CWH43: variants seen among roughly 807,000 people sequenced by gnomAD.
CWH43 encodes the protein cell wall biogenesis 43 C-terminal homolog.
A neutral mutation model predicts 85.7 loss-of-function variants in CWH43; 91 were observed. The ratio of observed to expected loss-of-function variants is 1.06; its 90% CI spans 0.90 to 1.26. CWH43 has a LOEUF of 1.26. Among genes scored for constraint, CWH43 ranks in the 50% most tolerant of loss-of-function variants. The pLI is 0.00. For missense variants in CWH43, 869 were observed against 839.2 expected, an observed-to-expected ratio of 1.04 and a Z score of -0.44; for synonymous variants, 323 against 293.6, an observed-to-expected ratio of 1.10 and a Z score of -1.02.
intron 12 of CWH43, among the ~76,000 whole-genome samples, chr4:49,035,385 C>T (rs1784235386): frequency 6.6e-6 from 1 of 152,122 alleles, no homozygotes; most frequent in Non-Finnish European, 1.5e-5. Flanking sequence ...CAGGCAAACA[C>T]CATAATGAAA....
At chr4:49,060,582 A>G (rs1416696348) in intron 15 of CWH43, among the ~76,000 whole-genome samples, 1 of 152,156 alleles carries the variant, frequency 6.6e-6, no homozygotes, top group African/African-American at 2.4e-5. Context: ...TGCAGAGAGT[A>G]TCTATCTCTC....
At chr4:49,011,173 A>G (rs1163618514) in intron 8 of CWH43, among the ~76,000 whole-genome samples, 2 of 152,284 alleles carry the variant, frequency 1.3e-5, no homozygotes, top group East Asian at 3.9e-4. Flanking sequence ...TATTAGGTGC[A>G]TATATATTTA....
chr4:49,034,613 T>TG (rs1784207149), intron 12 of CWH43, among the ~76,000 whole-genome samples: 1 of 152,158 alleles, frequency 6.6e-6, no homozygotes, highest in South Asian at 2.1e-4. Context: ...ACAATAATAG[T>TG]GAACACTTAT....
At position 48,991,509 on chromosome 4, in the gene CWH43, G is replaced by T; in HGVS notation, c.291G>T (p.Ala97=). ...PNAKLRLMVL[A]LGVSSSLIVQ... is the part of the protein sequence containing the mutation. ...CCAAACTTCGACTGATGGTTCTTGCGCTTGGGGTGTCTTCCTCACTGATAG... is the reference window on the plus strand; with the variant it reads ...CCAAACTTCGACTGATGGTTCTTGCTCTTGGGGTGTCTTCCTCACTGATAG... The change falls in exon 3 of 16, where the codon GCG becomes GCT. Residue 97 remains alanine (A), a synonymous_variant. Transcript: ENST00000226432. The T allele has an allele frequency of 6.2e-7, 1 of 1,614,022 alleles. No homozygotes were observed. Among genetic ancestry groups the T allele is most frequent in the Non-Finnish European group, 8.5e-7 (1 of 1,179,960 alleles).
At chr4:49,008,275 G>A (rs540898217) in intron 8 of CWH43, among the ~76,000 whole-genome samples, 1 of 152,032 alleles carries the variant, frequency 6.6e-6, no homozygotes, top group South Asian at 2.1e-4. Context: ...GTCTTCTTTG[G>A]AGAAGTGTCT....
chr4:49,057,018 G>C (rs558996215), intron 15 of CWH43, among the ~76,000 whole-genome samples: 1 of 152,288 alleles, frequency 6.6e-6, no homozygotes, highest in Admixed American at 6.5e-5. Context: ...TACTCAAAAT[G>C]ATTTCAGTAT....
intron 14 of CWH43, among the ~76,000 whole-genome samples, chr4:49,047,825 A>G (rs988781501): frequency 7.2e-5 from 11 of 152,152 alleles, no homozygotes; most frequent in African/African-American, 2.7e-4. Context: ...TCGTTCTTGG[A>G]CAACTCCATG....
intron 6 of CWH43, among the ~76,000 whole-genome samples, chr4:49,003,404 AT>A (rs1783055265): frequency 6.6e-6 from 1 of 152,136 alleles, no homozygotes; most frequent in African/African-American, 2.4e-5. Context: ...TTTTGGACAT[AT>A]TTTTGGTATT....
At position 49,030,797 on chromosome 4, in the gene CWH43, T is replaced by C. The variant is rs181988149; in HGVS notation, c.1373-28T>C. 3,364 of 1,542,644 alleles carry C rather than the reference T, an allele frequency of 2.2e-3. 15 individuals are homozygous for C. The highest frequency in any genetic ancestry group is 0.017 in the Middle Eastern group (95 of 5,710). On this transcript the variant is annotated intron_variant, in intron 10 of 15. Transcript: ENST00000226432. ...TTTTTGCCTTGCTGTGATTCATCAC[T>C]GTATGCTACTTTTTTTTTTCTGAAC...
chr4:49,059,848 T>C (rs1204078057), intron 15 of CWH43, among the ~76,000 whole-genome samples: 3 of 151,832 alleles, frequency 2.0e-5, no homozygotes, highest in Non-Finnish European at 2.9e-5. Context: ...CTGGGGTAGA[T>C]GTGTGGGGTT....
chr4:49,025,732 C>T (rs1783894809), intron 9 of CWH43, among the ~76,000 whole-genome samples: 2 of 152,160 alleles, frequency 1.3e-5, no homozygotes, highest in South Asian at 2.1e-4. Context: ...CCATGGATAC[C>T]AGCACTTGCT....
intron 5 of CWH43, among the ~76,000 whole-genome samples, chr4:48,995,644 T>C (rs1438871424): frequency 6.6e-6 from 1 of 152,186 alleles, no homozygotes; most frequent in Non-Finnish European, 1.5e-5. Flanking sequence ...CCTCCACGCA[T>C]GTTCTTCTTC....
In CWH43 at chr4:48,988,527, T is replaced by G. The variant is rs781090312; in HGVS notation, c.94T>G (p.Phe32Val). The G allele has an allele frequency of 1.2e-6, 2 of 1,613,188 alleles. No individual in the cohort carries two copies. The highest frequency in any genetic ancestry group is 1.1e-5 in the South Asian group (1 of 90,810). Residue 32 changes from phenylalanine (F) to valine (V), a missense_variant, in exon 2 of 16, where the codon TTT (phenylalanine) becomes GTT (valine). By Grantham distance (50) the Phe-to-Val change is conservative. Transcript: ENST00000226432. ...TGACCTGGGACCGATGATCTATTAC[T>G]TTCCTTTGCAAACACTAGAACTCAC... ...YHDLGPMIYYFPLQTLELTGL... is the reference protein window; with the variant it reads ...YHDLGPMIYYVPLQTLELTGL...
intron 15 of CWH43, among the ~76,000 whole-genome samples, chr4:49,054,247 T>C (rs1784886635): frequency 1.3e-5 from 2 of 152,156 alleles, no homozygotes; most frequent in South Asian, 2.1e-4. Context: ...CCCCCAACAT[T>C]GCTTATTGAA....
At chr4:49,035,011 T>A (rs1240251492) in intron 12 of CWH43, among the ~76,000 whole-genome samples, 1 of 152,224 alleles carries the variant, frequency 6.6e-6, no homozygotes, top group African/African-American at 2.4e-5. Context: ...GACTCATTCC[T>A]TGCTTTAGGA....
At chr4:48,998,656 C>A in intron 6 of CWH43, 108 bp downstream of exon 6, 1 of 819,404 alleles carries the variant, frequency 1.2e-6, no homozygotes, top group Admixed American at 1.8e-5. Flanking sequence ...CAAATATGTA[C>A]TGTGGCCAAA....
intron 15 of CWH43, among the ~76,000 whole-genome samples, chr4:49,056,257 T>C (rs1784960806): frequency 6.6e-6 from 1 of 152,160 alleles, no homozygotes; most frequent in Admixed American, 6.5e-5. Flanking sequence ...ATCATTTTTC[T>C]TTAGATGTTT....
At position 48,997,082 on chromosome 4, in the gene CWH43, A is replaced by G. The variant is rs16861610; in HGVS notation, c.714-1378A>G. ...GCAGGTTTCCTAAAGTTATTTGAAC[A>G]TGGAATTCTTCTTTAGAACATCTAT... is the stretch of plus-strand genomic sequence containing the variant. On this transcript the variant is annotated intron_variant, in intron 5 of 15. Transcript: ENST00000226432. Among the ~76,000 whole-genome samples the G allele has an allele frequency of 7.3e-3, 1,105 of 152,314 alleles. 16 individuals are homozygous for G. Among genetic ancestry groups the G allele is most frequent in the African/African-American group, 0.025 (1,053 of 41,558 alleles).
rs961832046 is a variant in CWH43, at chr4:49,040,431, A to T, written c.1803+2251A>T. On this transcript the variant is annotated intron_variant, in intron 13 of 15. Coordinates refer to ENST00000226432, the MANE Select transcript of CWH43 (RefSeq NM_025087.3). ...TGTCGTTTCCTGACTTTTTAATGAT[A>T]GCCATTCTAACTGGTGTGAGATGGT... Among the ~76,000 whole-genome samples, 44 of 152,194 alleles carry T rather than the reference A, an allele frequency of 2.9e-4. 1 individual carries two copies. The highest frequency in any genetic ancestry group is 9.9e-4 in the African/African-American group (41 of 41,522).
Sources: allele counts gnomAD v4.1 joint callset (sites outside exome capture counted in the v4.1 genomes callset), GRCh38; gene constraint gnomAD v4.1.1; transcripts MANE v1.5; gene names NCBI Gene and HGNC (gene_info 2026-07-23, HGNC 2026-07-21).